LPCAT2: variants seen among roughly 807,000 people sequenced by gnomAD.
The protein encoded by LPCAT2 is 1-AGP acyltransferase 11.
Under a neutral mutation model 64.7 loss-of-function variants are expected in LPCAT2, and 58 were observed. The observed-to-expected ratio is 0.90, with a 90% CI of 0.73 to 1.12. The LOEUF (loss-of-function observed/expected upper bound fraction) is 1.12, where lower values mean the gene tolerates loss of function less well. LPCAT2 is among the 50% of genes most tolerant of loss of function. The probability of loss-of-function intolerance (pLI) is 0.00; values close to 1 mark genes in which losing one functional copy is unlikely to be tolerated. For missense variants in LPCAT2, 579 were observed against 669.8 expected, an observed-to-expected ratio of 0.86 and a Z score of 1.50; for synonymous variants, 252 against 245.3, an observed-to-expected ratio of 1.03 and a Z score of -0.26.
intron 3 of LPCAT2, among the ~76,000 whole-genome samples, chr16:55,529,273 T>C (rs1202147405): frequency 6.6e-6 from 1 of 152,164 alleles, no homozygotes; most frequent in African/African-American, 2.4e-5. Context: ...GAAGTAATAG[T>C]AGTTCTTGCA....
At chr16:55,524,007 G>T (rs1384384339) in intron 1 of LPCAT2, among the ~76,000 whole-genome samples, 3 of 151,788 alleles carry the variant, frequency 2.0e-5, no homozygotes, top group Non-Finnish European at 3.0e-5. Flanking sequence ...ACTTTTAAAT[G>T]ACACAACTTT....
chr16:55,542,540 C>T (rs1388412841), intron 8 of LPCAT2, among the ~76,000 whole-genome samples: 1 of 151,942 alleles, frequency 6.6e-6, no homozygotes, highest in Admixed American at 6.6e-5. Flanking sequence ...TGGTCCCTAA[C>T]AGGAATATGA....
At chr16:55,551,792 T>C (rs1963521405) in intron 11 of LPCAT2, among the ~76,000 whole-genome samples, 1 of 152,138 alleles carries the variant, frequency 6.6e-6, no homozygotes, top group Admixed American at 6.6e-5. Context: ...ATTGATAGTA[T>C]ACAGAAATTA....
intron 11 of LPCAT2, among the ~76,000 whole-genome samples, chr16:55,572,103 C>G (rs1963776715): frequency 6.6e-6 from 1 of 152,116 alleles, no homozygotes; most frequent in Non-Finnish European, 1.5e-5. Flanking sequence ...CATCAAGATT[C>G]TTTGTCATTC....
chr16:55,521,504 A>G (rs566106793), intron 1 of LPCAT2, among the ~76,000 whole-genome samples: 1 of 151,882 alleles, frequency 6.6e-6, no homozygotes, highest in South Asian at 2.1e-4. Flanking sequence ...TTGATACCAA[A>G]TCTGAAAAAG....
At chr16:55,574,424 A>G (rs1963804245) in intron 11 of LPCAT2, among the ~76,000 whole-genome samples, 1 of 152,194 alleles carries the variant, frequency 6.6e-6, no homozygotes, top group African/African-American at 2.4e-5. Context: ...TAAAAAGTTT[A>G]TATTTATTGC....
intron 7 of LPCAT2, 26 bp from the exon 8 acceptor site, chr16:55,537,546 TATAAAG>T: frequency 6.4e-7 from 1 of 1,557,208 alleles, no homozygotes; most frequent in Non-Finnish European, 8.8e-7. Context: ...TGCATGACTG[TATAAAG>T]ATAGACTTTT....
At chr16:55,547,303 C>T (rs1963465065) in intron 9 of LPCAT2, among the ~76,000 whole-genome samples, 1 of 152,070 alleles carries the variant, frequency 6.6e-6, no homozygotes, top group African/African-American at 2.4e-5. Flanking sequence ...TAAGAAAAAC[C>T]TTGATTAGCT....
chr16:55,577,007 A>G (rs1365954226), intron 12 of LPCAT2, among the ~76,000 whole-genome samples: 1 of 152,204 alleles, frequency 6.6e-6, no homozygotes, highest in Non-Finnish European at 1.5e-5. Context: ...TTAGAAATGG[A>G]AGGCCTCTGA....
At position 55,514,761 on chromosome 16, in the gene LPCAT2, T is replaced by C. The variant is rs181730143; in HGVS notation, c.171+5409T>C. The stretch of plus-strand genomic sequence containing the variant: ...GAGAAAGCCCAGACTTTAGTCTTAC[T>C]ATACAAAGACTTTAAATCAGATATT... On this transcript the variant is annotated intron_variant, in intron 1 of 13. Transcript: ENST00000262134. 8.5e-5 allele frequency among the ~76,000 whole-genome samples: 13 copies of C among 152,344 alleles called. No homozygotes were observed. In the South Asian group the frequency reaches 1.0e-3, roughly 12 times the overall value.
chr16:55,533,676 G>T (rs570420081), intron 6 of LPCAT2, among the ~76,000 whole-genome samples: 1 of 152,144 alleles, frequency 6.6e-6, no homozygotes, highest in South Asian at 2.1e-4. Context: ...GCCTCCCAAA[G>T]TGCTGGGATT....
intron 11 of LPCAT2, among the ~76,000 whole-genome samples, chr16:55,556,583 C>G (rs1277260766): frequency 1.3e-5 from 2 of 152,094 alleles, no homozygotes; most frequent in Non-Finnish European, 2.9e-5. Context: ...CGAGACCATC[C>G]TGGCTAACAC....
chr16:55,558,866 C>T (rs1432629948), intron 11 of LPCAT2, among the ~76,000 whole-genome samples: 1 of 152,088 alleles, frequency 6.6e-6, no homozygotes, highest in East Asian at 1.9e-4. Flanking sequence ...AAAGCATGCT[C>T]ATAGGTTTAA....
chr16:55,549,430 T>G lies in LPCAT2; in HGVS notation c.1061+28T>G. On this transcript the variant is annotated intron_variant, in intron 10 of 13. Coordinates refer to ENST00000262134, the MANE Select transcript of LPCAT2 (RefSeq NM_017839.5). ...AAGTGTATTTTAAAATGACTACACT[T>G]TCATAAAGTTGTCCAAAAGGGATCT... is the stretch of plus-strand genomic sequence containing the variant. 3 of 1,564,144 alleles carry G rather than the reference T, an allele frequency of 1.9e-6. 1 individual carries two copies. The South Asian group carries it at 3.6e-5, about 19-fold the overall frequency.
chr16:55,552,047 C>A (rs986990603), intron 11 of LPCAT2, among the ~76,000 whole-genome samples: 1 of 152,138 alleles, frequency 6.6e-6, no homozygotes, highest in Non-Finnish European at 1.5e-5. Context: ...TCAAGATACA[C>A]AACAGTTGAA....
intron 1 of LPCAT2, among the ~76,000 whole-genome samples, chr16:55,519,508 CA>C (rs34058877): frequency 4.9e-4 from 60 of 123,686 alleles, no homozygotes; most frequent in African/African-American, 8.5e-4. Context: ...GACTCCATCA[CA>C]AAAAAAAAAA....
chr16:55,529,553 A>G (rs1039356496), intron 3 of LPCAT2, among the ~76,000 whole-genome samples: 2 of 152,174 alleles, frequency 1.3e-5, no homozygotes, highest in African/African-American at 2.4e-5. Flanking sequence ...CATATCCCAA[A>G]GGTTTAATGT....
intron 11 of LPCAT2, chr16:55,556,959 T>G (rs1963583807): frequency 6.6e-6 from 1 of 152,252 alleles, no homozygotes; most frequent in Admixed American, 6.5e-5. Context: ...GTTGGAAGAC[T>G]GGTGAGCCTT....
intron 1 of LPCAT2, among the ~76,000 whole-genome samples, chr16:55,524,861 CTTGA>C (rs1963146909): frequency 6.6e-6 from 1 of 152,022 alleles, no homozygotes; most frequent in African/African-American, 2.4e-5. Context: ...GTATGTAAAA[CTTGA>C]AACTTAAGGT....
Sources: allele counts gnomAD v4.1 joint callset (sites outside exome capture counted in the v4.1 genomes callset), GRCh38; gene constraint gnomAD v4.1.1; transcripts MANE v1.5; gene names NCBI Gene and HGNC (gene_info 2026-07-23, HGNC 2026-07-21).